The following CFAP299 variants were observed in gnomAD, a reference collection of about 807,000 sequenced individuals.
CFAP299 encodes cilia and flagella associated protein 299.
A neutral mutation model predicts 27.0 loss-of-function variants in CFAP299; 21 were observed. The ratio of observed to expected loss-of-function variants is 0.78; its 90% CI spans 0.55 to 1.12. The LOEUF (loss-of-function observed/expected upper bound fraction) is 1.12. CFAP299 is among the 50% of genes most tolerant of loss of function. The pLI is 0.00. For synonymous variants in CFAP299, 104 were observed against 98.1 expected (o/e 1.06, Z -0.36); for missense variants, 310 against 276.6 (o/e 1.12, Z -0.86).
At chr4:80,741,913 C>T (rs1425974540) in intron 3 of CFAP299, among the ~76,000 whole-genome samples, 4 of 152,234 alleles carry the variant, frequency 2.6e-5, no homozygotes, top group Admixed American at 6.5e-5. Flanking sequence ...TCCCAATGCT[C>T]CCTCCTTGTA....
intron 4 of CFAP299, among the ~76,000 whole-genome samples, chr4:80,916,295 A>ATATATT (rs1405206483): frequency 2.4e-4 from 30 of 125,550 alleles, no homozygotes; most frequent in African/African-American, 8.2e-4. Flanking sequence ...ATATATATAT[A>ATATATT]TTTCAGGTAC....
chr4:80,673,245 T>G (rs1261130994), intron 3 of CFAP299, among the ~76,000 whole-genome samples: 1 of 152,196 alleles, frequency 6.6e-6, no homozygotes, highest in African/African-American at 2.4e-5. Context: ...ACGTCTTTAT[T>G]TCTGCCTTCA....
chr4:80,697,795 A>G (rs1415743510), intron 3 of CFAP299, among the ~76,000 whole-genome samples: 1 of 152,220 alleles, frequency 6.6e-6, no homozygotes, highest in East Asian at 1.9e-4. Context: ...TGTGTGAGCT[A>G]ACATGGCATA....
intron 4 of CFAP299, among the ~76,000 whole-genome samples, chr4:80,901,129 C>T (rs1734869077): frequency 6.6e-6 from 1 of 152,090 alleles, no homozygotes; most frequent in Admixed American, 6.6e-5. Context: ...CCTGTTGAGG[C>T]TGGACTCTCC....
chr4:80,440,904 A>G (rs949345305), intron 2 of CFAP299, among the ~76,000 whole-genome samples: 1 of 152,250 alleles, frequency 6.6e-6, no homozygotes, highest in African/African-American at 2.4e-5. Context: ...TGAGAACTTC[A>G]TGAAGCATCC....
At chr4:80,331,554 G>C (rs868842860), upstream of CFAP299, among the ~76,000 whole-genome samples, 8 of 152,164 alleles carry the variant, frequency 5.3e-5, no homozygotes, top group South Asian at 2.1e-4. Context: ...TTCAAGAGAA[G>C]TAATTGAGAG....
intron 2 of CFAP299, among the ~76,000 whole-genome samples, chr4:80,577,825 C>T (rs1487714324): frequency 6.6e-6 from 1 of 152,118 alleles, no homozygotes; most frequent in Non-Finnish European, 1.5e-5. Context: ...AAAATAAACT[C>T]TTAAAAAGTA....
intron 2 of CFAP299, among the ~76,000 whole-genome samples, chr4:80,484,411 T>C (rs1009189784): frequency 3.9e-5 from 6 of 152,146 alleles, no homozygotes; most frequent in Admixed American, 2.6e-4. Flanking sequence ...CATTCCCTAA[T>C]TAACTTCTAT....
intron 3 of CFAP299, among the ~76,000 whole-genome samples, chr4:80,711,576 T>C (rs771922712): frequency 1.4e-4 from 22 of 152,044 alleles, no homozygotes; most frequent in Non-Finnish European, 2.5e-4. Flanking sequence ...ATTTTACGGA[T>C]GAGGAAACTG....
At chr4:80,472,390 T>G (rs1233697733) in intron 2 of CFAP299, among the ~76,000 whole-genome samples, 1 of 152,218 alleles carries the variant, frequency 6.6e-6, no homozygotes, top group Non-Finnish European at 1.5e-5. Context: ...TAATAAAAAC[T>G]TTGACGCATA....
At chr4:80,436,809 C>T (rs936770810) in intron 2 of CFAP299, among the ~76,000 whole-genome samples, 5 of 152,120 alleles carry the variant, frequency 3.3e-5, no homozygotes, top group Non-Finnish European at 7.4e-5. Flanking sequence ...TGCATTGCCT[C>T]CCTCTAGCAT....
chr4:80,837,168 A>T (rs1730608535), intron 3 of CFAP299, among the ~76,000 whole-genome samples: 1 of 152,206 alleles, frequency 6.6e-6, no homozygotes, highest in Non-Finnish European at 1.5e-5. Flanking sequence ...ATCAGTGCAT[A>T]TTAAGAGAAA....
chr4:80,748,270 C>T (rs1255834652), intron 3 of CFAP299, among the ~76,000 whole-genome samples: 1 of 152,020 alleles, frequency 6.6e-6, no homozygotes, highest in Non-Finnish European at 1.5e-5. Context: ...CTAATTAGTC[C>T]TCTTACTTTT....
At chr4:80,869,625 T>C (rs1250964171) in intron 3 of CFAP299, among the ~76,000 whole-genome samples, 2 of 152,178 alleles carry the variant, frequency 1.3e-5, no homozygotes, top group Admixed American at 6.5e-5. Context: ...GCGATTCCCC[T>C]GCCTCAGCCT....
At chr4:80,767,977 A>G (rs563548977) in intron 3 of CFAP299, among the ~76,000 whole-genome samples, 1 of 152,204 alleles carries the variant, frequency 6.6e-6, no homozygotes, top group Non-Finnish European at 1.5e-5. Flanking sequence ...TTGATATTTT[A>G]AAAACCAAAG....
At chr4:80,574,687 A>G (rs1735758065) in intron 2 of CFAP299, among the ~76,000 whole-genome samples, 1 of 152,120 alleles carries the variant, frequency 6.6e-6, no homozygotes, top group Admixed American at 6.5e-5. Flanking sequence ...AAATTTTACT[A>G]AATAATTTCT....
intron 2 of CFAP299, among the ~76,000 whole-genome samples, chr4:80,576,663 C>T (rs1735882203): frequency 6.6e-6 from 1 of 152,132 alleles, no homozygotes. Context: ...AAGAAGATAA[C>T]ATTATAGATT....
At chr4:80,959,720 G>T (rs750404051) in intron 5 of CFAP299, among the ~76,000 whole-genome samples, 1 of 151,856 alleles carries the variant, frequency 6.6e-6, no homozygotes, top group Non-Finnish European at 1.5e-5. Flanking sequence ...TTTTTGAAGG[G>T]CCATCTGGGA....
chr4:80,838,107 G>T (rs1184495950), intron 3 of CFAP299, among the ~76,000 whole-genome samples: 3 of 152,088 alleles, frequency 2.0e-5, no homozygotes, highest in Non-Finnish European at 4.4e-5. Flanking sequence ...TTTTGATGGG[G>T]TTGTTTGTTT....
Sources: allele counts gnomAD v4.1 joint callset (sites outside exome capture counted in the v4.1 genomes callset), GRCh38; gene constraint gnomAD v4.1.1; transcripts MANE v1.5; gene names NCBI Gene and HGNC (gene_info 2026-07-23, HGNC 2026-07-21).